KNTC1: variants seen among roughly 807,000 people sequenced by gnomAD.
The protein encoded by KNTC1 is kinetochore-associated protein 1.
A neutral mutation model predicts 314.4 loss-of-function variants in KNTC1; 253 were observed. That is an observed-to-expected ratio of 0.80 (90% CI 0.73 to 0.89). KNTC1 has a LOEUF of 0.89. Ranked by LOEUF, KNTC1 falls within the 40% of genes least tolerant of loss-of-function variation. The pLI is 0.00. For missense variants in KNTC1, 2,475 were observed against 2,572.9 expected, an observed-to-expected ratio of 0.96 and a Z score of 0.82; for synonymous variants, 901 against 901.4, an observed-to-expected ratio of 1.00 and a Z score of 0.01.
At chr12:122,597,549 A>G (rs58276954) in intron 43 of KNTC1, 182 bp from the exon 44 acceptor site, 7,947 of 597,612 alleles carry the variant, frequency 0.013, 513 homozygotes, top group African/African-American at 0.13. Flanking sequence ...ACCCGGCCTA[A>G]TATCTGATTT....
At chr12:122,570,361 A>G (rs1329811897) in intron 22 of KNTC1, among the ~76,000 whole-genome samples, 1 of 152,108 alleles carries the variant, frequency 6.6e-6, no homozygotes, top group East Asian at 1.9e-4. Flanking sequence ...TCTACTAAAA[A>G]TACAAAAATT....
rs924106954 is a variant in KNTC1 at position 122,530,924 on chromosome 12, G to A, written c.129+732G>A. Among the ~76,000 whole-genome samples the A allele has an allele frequency of 3.9e-5, 6 of 152,120 alleles. No individual in the cohort carries two copies. In the East Asian group the frequency reaches 1.2e-3, roughly 29 times the overall value. ...TCTACATTTTAACTTTCTTCTGTCA[G>A]TAATTGCACCATTCTTGCTTCATGC... On this transcript the variant is annotated intron_variant, in intron 2 of 63. Transcript: ENST00000333479.
chr12:122,543,986 T>A (rs969310144), intron 7 of KNTC1, among the ~76,000 whole-genome samples, 173 bp from the exon 8 acceptor site: 2 of 151,492 alleles, frequency 1.3e-5, no homozygotes, highest in African/African-American at 4.9e-5. Flanking sequence ...GAGGCAGAGG[T>A]TGTGGTGAGC....
chr12:122,607,594 C>T (rs191777541), intron 51 of KNTC1, among the ~76,000 whole-genome samples: 25 of 152,294 alleles, frequency 1.6e-4, no homozygotes, highest in Admixed American at 7.8e-4. Context: ...TCCCTTTGCC[C>T]TCACAGGTGA....
chr12:122,549,371 A>G (rs940561264), intron 12 of KNTC1, among the ~76,000 whole-genome samples: 1 of 148,468 alleles, frequency 6.7e-6, no homozygotes, highest in African/African-American at 2.5e-5. Context: ...TTATTTTTTG[A>G]GACAGTGTCG....
At position 122,546,277 on chromosome 12, in the gene KNTC1, A is replaced by G; in HGVS notation, c.763+8A>G. The G allele has an allele frequency of 6.8e-7, 1 of 1,472,802 alleles. No homozygotes were observed. The highest frequency in any genetic ancestry group is 1.2e-5 in the South Asian group (1 of 86,782). The allele number at this position is 1,472,802 out of a possible 1,614,324, so 91.2% of individuals were successfully genotyped here. A position where few individuals can be genotyped will look rare whatever the true frequency, so the allele number is the denominator to read the frequency against. On this transcript the variant is annotated splice_region_variant and intron_variant, in intron 9 of 63. Coordinates refer to ENST00000333479, the MANE Select transcript of KNTC1 (RefSeq NM_014708.6). ...ATGCAGAGATTATTAAAGGTAAAATAAGTTAATGAAACTACTTTAGACAAT... is the reference window on the plus strand; with the variant it reads ...ATGCAGAGATTATTAAAGGTAAAATGAGTTAATGAAACTACTTTAGACAAT...
At chr12:122,563,371 TA>T (rs1202207954) in intron 20 of KNTC1, among the ~76,000 whole-genome samples, 1 of 152,206 alleles carries the variant, frequency 6.6e-6, no homozygotes. Context: ...GTTATAAGAT[TA>T]TATAGATTTA....
chr12:122,613,696 T>C lies in KNTC1; in HGVS notation c.5812T>C (p.Phe1938Leu), dbSNP rs770302256. 19 of 1,613,372 alleles carry C rather than the reference T, an allele frequency of 1.2e-5. No homozygotes were observed. In the East Asian group the frequency reaches 4.2e-4, roughly 36 times the overall value. ...TLNIPITYEL[F>L]CSSPKEGMIK... ...GAATATCCCCATCACATATGAATTA[T>C]TTTGCAGCAGTCCTAAAGAAGGAAT... Residue 1938 changes from phenylalanine (F) to leucine (L), a missense_variant, in exon 55 of 64, where the codon TTT becomes CTT. By Grantham distance (22) the Phe-to-Leu change is conservative (BLOSUM62 0). Transcript: ENST00000333479.
chr12:122,539,209 G>T (rs1448325346), intron 4 of KNTC1, among the ~76,000 whole-genome samples: 1 of 152,200 alleles, frequency 6.6e-6, no homozygotes, highest in Admixed American at 6.5e-5. Flanking sequence ...ATTCCAGTCA[G>T]CTTGTTAAGG....
rs1874541942 is a variant in KNTC1 at position 122,622,456 on chromosome 12, C to T, written c.6370-6C>T. The T allele has an allele frequency of 6.4e-7, 1 of 1,560,620 alleles. No individual in the cohort carries two copies. Among genetic ancestry groups the T allele is most frequent in the Non-Finnish European group, 8.7e-7 (1 of 1,145,090 alleles). On this transcript the variant is annotated splice_region_variant and splice_polypyrimidine_tract_variant and intron_variant, in intron 61 of 63. Transcript: ENST00000333479. ...TCTGATCTTAATGATACCTGTCATT[C>T]TATAGATTAGAAGTCTGATTTTGAA...
At chr12:122,598,077 A>G in intron 44 of KNTC1, 139 bp downstream of exon 44, 1 of 683,406 alleles carries the variant, frequency 1.5e-6, no homozygotes, top group South Asian at 2.1e-5. Flanking sequence ...TGATTTCTAT[A>G]TTTTTAACAC....
intron 56 of KNTC1, among the ~76,000 whole-genome samples, 192 bp downstream of exon 56, chr12:122,615,278 T>G (rs1401546774): frequency 6.6e-6 from 1 of 152,204 alleles, no homozygotes; most frequent in Non-Finnish European, 1.5e-5. Flanking sequence ...GACATAAATT[T>G]CATTGGAAAC....
Position 122,614,977 on chromosome 12 carries a change from T to G in KNTC1, c.5878-14T>G, listed in dbSNP as rs1873609174. 2 of 1,602,576 alleles carry G rather than the reference T, an allele frequency of 1.2e-6. No homozygotes were observed. The highest frequency in any genetic ancestry group is 1.1e-5 in the South Asian group (1 of 89,464). ...TCTTGGAATAGCATGATTTTTTTCTTTTTTTGGCTTCAGGCAGTAAGATTG... is the reference window on the plus strand; with the variant it reads ...TCTTGGAATAGCATGATTTTTTTCTGTTTTTGGCTTCAGGCAGTAAGATTG... On this transcript the variant is annotated splice_polypyrimidine_tract_variant and intron_variant, in intron 55 of 63. Transcript: ENST00000333479.
chr12:122,570,934 T>C lies in KNTC1; in HGVS notation c.1917+2T>C. 6.3e-7 allele frequency: 1 copy of C among 1,578,146 alleles called. No individual in the cohort carries two copies. The highest frequency in any genetic ancestry group is 1.1e-5 in the South Asian group (1 of 87,562). On this transcript the variant is annotated splice_donor_variant, in intron 23 of 63. Coordinates refer to ENST00000333479, the MANE Select transcript of KNTC1 (RefSeq NM_014708.6). LOFTEE classifies it high-confidence loss of function. ...AGGAACCTTGAATTAACTGATAAGG[T>C]AATACTGATTTAATTAACAGTAAAA...
Position 122,529,940 on chromosome 12 carries a change from T to A in KNTC1, c.-73-51T>A, listed in dbSNP as rs566121000. 2.1e-4 allele frequency: 221 copies of A among 1,071,138 alleles called. No homozygotes were observed. The Middle Eastern group carries it at 2.8e-3, about 14-fold the overall frequency. The allele number at this position is 1,071,138 out of a possible 1,614,324, so 66.4% of individuals were successfully genotyped here. On this transcript the variant is annotated intron_variant, in intron 1 of 63. Coordinates refer to ENST00000333479, the MANE Select transcript of KNTC1 (RefSeq NM_014708.6). ...GTTAATGTTAGACTTTTGTTTTTGT[T>A]TTGTGAGTAAGCTTTATCATTTCCC...
Position 122,620,362 on chromosome 12 carries a change from T to A in KNTC1, c.6150-117T>A, listed in dbSNP as rs1454735537. 1.4e-5 allele frequency: 12 copies of A among 844,668 alleles called. No individual in the cohort carries two copies. In the East Asian group the frequency reaches 3.4e-4, roughly 24 times the overall value. The allele number at this position is 844,668 out of a possible 1,614,324, so 52.3% of individuals were successfully genotyped here. A position where few individuals can be genotyped will look rare whatever the true frequency, so the allele number is the denominator to read the frequency against. ...CTAAGCATATGTCATGCACCAGCAC[T>A]TTAGTGTTTAAAATTATTGAAAACT... On this transcript the variant is annotated intron_variant, in intron 59 of 63. Transcript: ENST00000333479.
chr12:122,610,970 C>A (rs970606174), intron 53 of KNTC1, 70 bp downstream of exon 53: 4 of 1,126,464 alleles, frequency 3.6e-6, no homozygotes, highest in African/African-American at 3.1e-5. Flanking sequence ...TGTTTATTTA[C>A]CATGCTTGAT....
intron 16 of KNTC1, among the ~76,000 whole-genome samples, chr12:122,552,334 C>G (rs1963258780): frequency 6.6e-6 from 1 of 151,972 alleles, no homozygotes; most frequent in African/African-American, 2.4e-5. Context: ...TTAGGTGGGA[C>G]TAGAATGTAG....
chr12:122,609,468 A>C, intron 52 of KNTC1, 38 bp downstream of exon 52: 1 of 1,315,850 alleles, frequency 7.6e-7, no homozygotes, highest in Non-Finnish European at 1.1e-6. Flanking sequence ...CTATATCGTG[A>C]TGCAAAATAG....
Sources: allele counts gnomAD v4.1 joint callset (sites outside exome capture counted in the v4.1 genomes callset), GRCh38; gene constraint gnomAD v4.1.1; transcripts MANE v1.5; gene names NCBI Gene and HGNC (gene_info 2026-07-23, HGNC 2026-07-21).